The following RNPEPL1 variants were observed in gnomAD, a reference collection of about 807,000 sequenced individuals.
RNPEPL1 encodes arginyl aminopeptidase like 1.
In RNPEPL1, 46 loss-of-function variants were observed where a neutral mutation model predicts 69.0. That is an observed-to-expected ratio of 0.67 (90% CI 0.53 to 0.85). The LOEUF is 0.85. Among genes scored for constraint, RNPEPL1 ranks in the 40% least tolerant of loss-of-function variants. RNPEPL1 has a pLI of 0.00. For synonymous variants in RNPEPL1, 525 were observed against 454.1 expected (o/e 1.16, Z -1.98); for missense variants, 869 against 992.5 (o/e 0.88, Z 1.67).
At chr2:240,569,169 G>C in intron 1 of RNPEPL1, 55 bp downstream of exon 1, 1 of 1,371,590 alleles carries the variant, frequency 7.3e-7, no homozygotes, top group Admixed American at 3.7e-5. Flanking sequence ...CGCTGCTAGC[G>C]GCCTCTCGCC....
rs761914529 is a variant in RNPEPL1 at position 240,575,659 on chromosome 2, C to T, written c.1510+49C>T. On this transcript the variant is annotated intron_variant, in intron 8 of 10. Coordinates refer to ENST00000270357, the MANE Select transcript of RNPEPL1 (RefSeq NM_018226.6). The stretch of plus-strand genomic sequence containing the variant: ...AGCCAGGGAGCCGTGGGTATGATGG[C>T]AGGCGGGGCCTCTGCTGCCTGAGGG... 1.4e-5 allele frequency: 20 copies of T among 1,476,674 alleles called. No homozygotes were observed. The Admixed American group carries it at 1.5e-4, about 11-fold the overall frequency. The allele number at this position is 1,476,674 out of a possible 1,614,324, so 91.5% of individuals were successfully genotyped here. A position where few individuals can be genotyped will look rare whatever the true frequency, so the allele number is the denominator to read the frequency against.
intron 7 of RNPEPL1, 147 bp from the exon 8 acceptor site, chr2:240,575,355 C>A: frequency 2.5e-6 from 2 of 795,918 alleles, no homozygotes; most frequent in East Asian, 5.1e-5. Context: ...GGCCTGCGTG[C>A]CAAGTGCTGG....
Position 240,576,933 on chromosome 2 carries a change from G to C in RNPEPL1, c.1827G>C (p.Val609=). ...AEIRIRWLQI[V]VRNDYYPDLH... is the part of the protein sequence containing the mutation. ...TCCGCATCCGCTGGCTGCAGATTGTGGTCCGCAACGACTACTATCCTGACC... is the reference window on the plus strand; with the variant it reads ...TCCGCATCCGCTGGCTGCAGATTGTCGTCCGCAACGACTACTATCCTGACC... The change falls in exon 10 of 11, where the codon GTG becomes GTC. Residue 609 remains valine, a synonymous_variant. Transcript: ENST00000270357. 1.2e-6 allele frequency: 2 copies of C among 1,613,536 alleles called. No individual in the cohort carries two copies. Among genetic ancestry groups the C allele is most frequent in the South Asian group, 1.1e-5 (1 of 91,084 alleles).
chr2:240,569,580 G>A (rs1198261446), intron 1 of RNPEPL1, among the ~76,000 whole-genome samples: 3 of 152,140 alleles, frequency 2.0e-5, no homozygotes, highest in Non-Finnish European at 2.9e-5. Flanking sequence ...AGTGGGCCCC[G>A]CGACCCCAAC....
intron 8 of RNPEPL1, chr2:240,575,812 C>T (rs566547959): frequency 1.3e-4 from 74 of 580,506 alleles, no homozygotes; most frequent in African/African-American, 1.0e-3. Flanking sequence ...TCCCTGGGGC[C>T]GGTGGCACAG....
intron 1 of RNPEPL1, among the ~76,000 whole-genome samples, chr2:240,571,349 G>A (rs1421561333): frequency 6.6e-6 from 1 of 152,214 alleles, no homozygotes; most frequent in Non-Finnish European, 1.5e-5. Flanking sequence ...AGTCTTAGAA[G>A]CATGTTGGGG....
intron 3 of RNPEPL1, 101 bp downstream of exon 3, chr2:240,573,362 C>A: frequency 7.4e-7 from 1 of 1,349,224 alleles, no homozygotes; most frequent in South Asian, 1.5e-5. Flanking sequence ...CTGAGGACCC[C>A]CACTGGCCTC....
intron 5 of RNPEPL1, 68 bp from the exon 6 acceptor site, chr2:240,574,447 A>G: frequency 6.5e-7 from 1 of 1,531,858 alleles, no homozygotes; most frequent in Non-Finnish European, 8.9e-7. Flanking sequence ...GCAGGTGCCC[A>G]CACCTCCTGC....
chr2:240,573,539 C>T (rs1370316998), intron 3 of RNPEPL1, among the ~76,000 whole-genome samples: 2 of 152,244 alleles, frequency 1.3e-5, no homozygotes, highest in African/African-American at 2.4e-5. Context: ...TTCGTTGGTC[C>T]CTTCAGCCCA....
chr2:240,568,868 C>A lies in RNPEPL1; in HGVS notation c.282C>A (p.Pro94=), dbSNP rs1309573612. The part of the protein sequence containing the change: ...RLHSAAFRRA[P]AAAAETPCAF... ...ACTCAGCCGCCTTCCGTCGCGCCCC[C>A]GCCGCCGCCGCCGAGACGCCCTGCG... Residue 94 remains proline, a synonymous_variant, in exon 1 of 11, where the codon CCC becomes CCA. Coordinates refer to ENST00000270357, the MANE Select transcript of RNPEPL1 (RefSeq NM_018226.6). This position sits in a 1 kb window ranked among gnomAD's most constrained non-coding sequence, Gnocchi z 6.2. The A allele has an allele frequency of 2.5e-6, 3 of 1,183,594 alleles. No individual in the cohort carries two copies. The South Asian group carries it at 7.9e-5, about 31-fold the overall frequency. The allele number at this position is 1,183,594 out of a possible 1,614,324, so 73.3% of individuals were successfully genotyped here. A position where few individuals can be genotyped will look rare whatever the true frequency, so the allele number is the denominator to read the frequency against.
chr2:240,572,623 C>T (rs1449260367), intron 2 of RNPEPL1, 60 bp downstream of exon 2: 1 of 1,526,674 alleles, frequency 6.6e-7, no homozygotes, highest in South Asian at 1.2e-5. Flanking sequence ...CCTGGCCACG[C>T]CGCCTCCCCC....
Position 240,573,194 on chromosome 2 carries a change from C to T in RNPEPL1, c.754C>T (p.His252Tyr). The T allele has an allele frequency of 6.3e-7, 1 of 1,594,500 alleles. No homozygotes were observed. The highest frequency in any genetic ancestry group is 2.3e-5 in the East Asian group (1 of 44,118). Residue 252 changes from histidine to tyrosine, a missense_variant, in exon 3 of 11, where the codon CAC becomes TAC. By Grantham distance (83) the His-to-Tyr change is moderately conservative (BLOSUM62 2). Coordinates refer to ENST00000270357, the MANE Select transcript of RNPEPL1 (RefSeq NM_018226.6). ...EEGVFHFHME[H>Y]PVPAYLVALV... ...AGGCGTCTTCCACTTCCACATGGAG[C>T]ACCCCGTGCCCGCCTACCTCGTGGC...
chr2:240,573,412 C>CTG lies in RNPEPL1; in HGVS notation c.821+151_821+152insTG, dbSNP rs2093028172. 12 of 1,013,840 alleles carry CTG rather than the reference C, an allele frequency of 1.2e-5. No individual in the cohort carries two copies. The South Asian group carries it at 1.5e-4, about 13-fold the overall frequency. The allele number at this position is 1,013,840 out of a possible 1,614,324, so 62.8% of individuals were successfully genotyped here. A position where few individuals can be genotyped will look rare whatever the true frequency, so the allele number is the denominator to read the frequency against. On this transcript the variant is annotated intron_variant, in intron 3 of 10. Coordinates refer to ENST00000270357, the MANE Select transcript of RNPEPL1 (RefSeq NM_018226.6). ...CAGCCCTGCCCCTGCCTTGGTGCCA[C>CTG]CGCCAGGGCCCTGCCACCCATGTGC...
chr2:240,576,310 C>T, intron 8 of RNPEPL1: 1 of 588,984 alleles, frequency 1.7e-6, no homozygotes, highest in Non-Finnish European at 3.0e-6. Context: ...GTCCCTTGGT[C>T]ACCAACCCAA....
rs1374776921 is a variant in RNPEPL1 at position 240,576,996 on chromosome 2, G to T, written c.1884+6G>T. On this transcript the variant is annotated splice_donor_region_variant and intron_variant, in intron 10 of 10. Coordinates refer to ENST00000270357, the MANE Select transcript of RNPEPL1 (RefSeq NM_018226.6). ...GGCGCTTCCTGGAGAGCCAGGTGCG[G>T]TCACCTGCCCAGGGGGCCAGCCTGG... 5 of 1,612,632 alleles carry T rather than the reference G, an allele frequency of 3.1e-6. No homozygotes were observed.
intron 3 of RNPEPL1, 73 bp downstream of exon 3, chr2:240,573,334 G>A: frequency 6.8e-7 from 1 of 1,475,642 alleles, no homozygotes; most frequent in Non-Finnish European, 9.0e-7. Flanking sequence ...TCTGTGGCCT[G>A]TGTCCACGGC....
chr2:240,571,805 C>T lies in RNPEPL1; in HGVS notation c.529-618C>T, dbSNP rs555881234. ...CGGCCCCAGCCATCCTTCCCTTGGC[C>T]GCTCCTGTCCCCTGCCAGCAGGGTC... On this transcript the variant is annotated intron_variant, in intron 1 of 10. Coordinates refer to ENST00000270357, the MANE Select transcript of RNPEPL1 (RefSeq NM_018226.6). Among the ~76,000 whole-genome samples, 40 of 152,130 alleles carry T rather than the reference C, an allele frequency of 2.6e-4. No individual in the cohort carries two copies. In the East Asian group the frequency reaches 5.2e-3, roughly 20 times the overall value.
chr2:240,574,741 A>T (rs1290292711), intron 6 of RNPEPL1, 113 bp downstream of exon 6: 1 of 1,003,962 alleles, frequency 1.0e-6, no homozygotes, highest in African/African-American at 1.6e-5. Flanking sequence ...CTGTGCCTGG[A>T]CCCCTGCCAA....
chr2:240,573,926 G>A (rs1448518367), intron 4 of RNPEPL1, 35 bp downstream of exon 4: 9 of 1,558,572 alleles, frequency 5.8e-6, no homozygotes, highest in South Asian at 2.3e-5. Context: ...TGGCTGGCTG[G>A]AAGGAGGAGT....
Sources: allele counts gnomAD v4.1 joint callset (sites outside exome capture counted in the v4.1 genomes callset), GRCh38; gene constraint gnomAD v4.1.1; non-coding constraint Gnocchi (gnomAD v3.1); transcripts MANE v1.5; gene names NCBI Gene and HGNC (gene_info 2026-07-23, HGNC 2026-07-21).